FRMD5: variants seen among roughly 807,000 people sequenced by gnomAD.
FRMD5 encodes the protein FERM domain containing 5.
In FRMD5, 20 loss-of-function variants were observed where a neutral mutation model predicts 69.0. The ratio of observed to expected loss-of-function variants is 0.29; its 90% CI spans 0.20 to 0.42. FRMD5 has a LOEUF of 0.42. FRMD5 is among the 10% of genes least tolerant of loss of function. The pLI, the probability that FRMD5 is intolerant of heterozygous loss-of-function variation, is 1.00. For synonymous variants in FRMD5, 271 were observed against 260.1 expected (o/e 1.04, Z -0.40); for missense variants, 595 against 708.6 (o/e 0.84, Z 1.82).
At chr15:44,173,416 T>C (rs886938041) in intron 1 of FRMD5, among the ~76,000 whole-genome samples, 8 of 152,074 alleles carry the variant, frequency 5.3e-5, no homozygotes, top group African/African-American at 1.9e-4. Context: ...GGAGGGGGAC[T>C]AAGGACAGAG....
chr15:43,960,515 C>A (rs2090181730), intron 1 of FRMD5, among the ~76,000 whole-genome samples: 1 of 152,180 alleles, frequency 6.6e-6, no homozygotes, highest in South Asian at 2.1e-4. Context: ...TCCCAAAGTG[C>A]TGGGATTACA....
intron 7 of FRMD5, 70 bp downstream of exon 7, chr15:43,902,105 A>G (rs1191598336): frequency 2.1e-5 from 23 of 1,121,888 alleles, no homozygotes; most frequent in Non-Finnish European, 3.1e-5. Flanking sequence ...GAGCGCAGGC[A>G]TGGGGGCTCT....
At chr15:43,882,116 G>A (rs762625798) in intron 13 of FRMD5, among the ~76,000 whole-genome samples, 5 of 152,164 alleles carry the variant, frequency 3.3e-5, no homozygotes, top group East Asian at 1.9e-4. Flanking sequence ...TCCAGCCTGC[G>A]GGTGACCTGG....
At chr15:44,005,813 C>A (rs1184722534) in intron 1 of FRMD5, among the ~76,000 whole-genome samples, 1 of 152,148 alleles carries the variant, frequency 6.6e-6, no homozygotes, top group African/African-American at 2.4e-5. Context: ...CCCACCAGGC[C>A]CTACCTCCAG....
chr15:44,093,195 G>A (rs577470240), intron 1 of FRMD5, among the ~76,000 whole-genome samples: 2 of 152,062 alleles, frequency 1.3e-5, no homozygotes, highest in South Asian at 2.1e-4. Flanking sequence ...CTCCCAAAGC[G>A]CTGGTATTAT....
At chr15:44,194,594 G>A in intron 1 of FRMD5, 1 of 330,876 alleles carries the variant, frequency 3.0e-6, no homozygotes, top group Non-Finnish European at 5.6e-6. Context: ...CGGGGCGGCC[G>A]GGCTAGGAGC....
chr15:43,912,341 T>C (rs1349036636), intron 4 of FRMD5, among the ~76,000 whole-genome samples: 1 of 152,132 alleles, frequency 6.6e-6, no homozygotes, highest in African/African-American at 2.4e-5. Flanking sequence ...ATAATTAAGA[T>C]GGATCTACCA....
intron 1 of FRMD5, among the ~76,000 whole-genome samples, chr15:44,084,241 T>C (rs1421542644): frequency 1.3e-5 from 2 of 152,046 alleles, no homozygotes; most frequent in African/African-American, 4.8e-5. Context: ...CTTTACATTA[T>C]ACATACCCCC....
intron 1 of FRMD5, among the ~76,000 whole-genome samples, chr15:44,158,702 G>A (rs1035366891): frequency 9.9e-5 from 15 of 152,120 alleles, no homozygotes; most frequent in East Asian, 1.9e-4. Context: ...CTACATTTAC[G>A]AAATTTCTTT....
intron 1 of FRMD5, among the ~76,000 whole-genome samples, chr15:44,134,581 T>C (rs1247314785): frequency 6.6e-6 from 1 of 152,106 alleles, no homozygotes; most frequent in Non-Finnish European, 1.5e-5. Context: ...CCCGAGTAGC[T>C]GGGATTACAG....
chr15:44,119,428 C>T (rs1477473037), intron 1 of FRMD5, among the ~76,000 whole-genome samples: 3 of 152,118 alleles, frequency 2.0e-5, no homozygotes, highest in African/African-American at 7.2e-5. Flanking sequence ...TTAACTGGTT[C>T]CATTCTAGGT....
At chr15:44,106,502 G>T (rs558637929) in intron 1 of FRMD5, among the ~76,000 whole-genome samples, 1 of 152,132 alleles carries the variant, frequency 6.6e-6, no homozygotes, top group East Asian at 1.9e-4. Flanking sequence ...CGTCTAGAAG[G>T]CCTCCTACAA....
intron 1 of FRMD5, among the ~76,000 whole-genome samples, chr15:43,947,073 A>T (rs1037710942): frequency 6.6e-6 from 1 of 152,228 alleles, no homozygotes; most frequent in African/African-American, 2.4e-5. Flanking sequence ...AACCTACAGA[A>T]ATGTCTACTT....
intron 1 of FRMD5, among the ~76,000 whole-genome samples, chr15:44,168,460 C>G (rs991025389): frequency 5.9e-5 from 9 of 152,176 alleles, no homozygotes; most frequent in African/African-American, 2.2e-4. Flanking sequence ...GCCAAATTTA[C>G]GTGAATTTTA....
chr15:44,197,853 T>C (rs1183179991), upstream of FRMD5, among the ~76,000 whole-genome samples: 2 of 152,126 alleles, frequency 1.3e-5, no homozygotes, highest in Non-Finnish European at 2.9e-5. Context: ...GTTATCCAAA[T>C]AAGCAGCTGT....
intron 1 of FRMD5, among the ~76,000 whole-genome samples, chr15:44,151,577 G>T (rs1369505844): frequency 2.0e-5 from 3 of 152,010 alleles, no homozygotes; most frequent in Non-Finnish European, 4.4e-5. Context: ...TTCATTGGAT[G>T]AAACTACAAA....
At position 44,185,878 on chromosome 15, in the gene FRMD5, A is replaced by C. The variant is rs117581010; in HGVS notation, c.102+9075T>G. 5.1e-3 allele frequency among the ~76,000 whole-genome samples: 774 copies of C among 151,968 alleles called. 7 individuals carry two copies. The highest frequency in any genetic ancestry group is 6.9e-3 in the Middle Eastern group (2 of 290). On this transcript the variant is annotated intron_variant, in intron 1 of 13. Coordinates refer to ENST00000417257, the MANE Select transcript of FRMD5 (RefSeq NM_032892.5). ...TCCATCTTAAATTACCTCTGGAAGTACATGAGATCCTTATGTGAATTCACT... is the reference window on the plus strand; with the variant it reads ...TCCATCTTAAATTACCTCTGGAAGTCCATGAGATCCTTATGTGAATTCACT...
At chr15:44,031,961 T>A (rs916362654) in intron 1 of FRMD5, among the ~76,000 whole-genome samples, 1 of 151,918 alleles carries the variant, frequency 6.6e-6, no homozygotes, top group Non-Finnish European at 1.5e-5. Flanking sequence ...TTCCTGCAAG[T>A]CTACAGTACC....
At chr15:44,153,499 G>A (rs540157286) in intron 1 of FRMD5, among the ~76,000 whole-genome samples, 36 of 152,224 alleles carry the variant, frequency 2.4e-4, no homozygotes, top group Non-Finnish European at 5.0e-4. Flanking sequence ...CCATTTATAT[G>A]AGGTATAGAC....
Sources: allele counts gnomAD v4.1 joint callset (sites outside exome capture counted in the v4.1 genomes callset), GRCh38; gene constraint gnomAD v4.1.1; transcripts MANE v1.5; gene names NCBI Gene and HGNC (gene_info 2026-07-23, HGNC 2026-07-21).